Variants in SH2D2A observed in about 807,000 individuals in gnomAD.
The protein encoded by SH2D2A is SH2 domain containing 2A, also known as SH2 domain-containing protein 2A.
SH2D2A carries 33 observed loss-of-function variants against 43.6 expected under a neutral mutation model. That is an observed-to-expected ratio of 0.76 (90% CI 0.57 to 1.01). SH2D2A has a LOEUF of 1.01. Ranked by LOEUF, SH2D2A falls within the 50% of genes least tolerant of loss-of-function variation. The pLI is 0.00. For synonymous variants in SH2D2A, 212 were observed against 206.1 expected (o/e 1.03, Z -0.25); for missense variants, 491 against 503.1 (o/e 0.98, Z 0.23).
chr1:156,816,211 G>A lies in SH2D2A; in HGVS notation c.35-117C>T, dbSNP rs1451856164. On this transcript the variant is annotated intron_variant, in intron 1 of 8. Transcript: ENST00000368199. ...GAGGGCTGGGACAGTCTTAACGACA[G>A]GAAAAACGCAGAAGGGCAGCAGGGG... The A allele has an allele frequency of 2.1e-6, 3 of 1,447,830 alleles. No homozygotes were observed. The South Asian group carries it at 4.4e-5, about 21-fold the overall frequency. 89.7% of individuals were successfully genotyped at this position (1,447,830 alleles called of 1,614,324 possible).
chr1:156,810,156 C>T (rs1653312808), intron 5 of SH2D2A, among the ~76,000 whole-genome samples: 1 of 152,204 alleles, frequency 6.6e-6, no homozygotes. Flanking sequence ...TTGCCTCAGC[C>T]TCCCAAGTAG....
rs142571523 is a variant in SH2D2A, at chr1:156,809,289, C to G, written c.916G>C (p.Val306Leu). 4.5e-5 allele frequency: 73 copies of G among 1,614,052 alleles called. No individual in the cohort carries two copies. Among genetic ancestry groups the G allele is most frequent in the Middle Eastern group, 1.6e-4 (1 of 6,082 alleles). Residue 306 changes from valine (V) to leucine (L), a missense_variant, in exon 7 of 9, where the codon GTG (valine) becomes CTG (leucine). Physicochemically the swap from Val to Leu is conservative, Grantham distance 32. Coordinates refer to ENST00000368199, the MANE Select transcript of SH2D2A (RefSeq NM_003975.4). The surrounding 1 kb of genome is among the most constrained non-coding windows in gnomAD (Gnocchi z 4.8). ...GGTAGGCCCTCATCTTCCACTTCCA[C>G]ATAGATGTTGCTGGGGGCTTCCCCA... ...SPGEAPSNIY[V>L]EVEDEGLPAT... is the part of the protein sequence containing the mutation.
rs1205634705 is a variant in SH2D2A at position 156,809,096 on chromosome 1, G to A, written c.1002+107C>T. 38 of 1,170,700 alleles carry A rather than the reference G, an allele frequency of 3.2e-5. No individual in the cohort carries two copies. The highest frequency in any genetic ancestry group is 2.7e-5 in the Non-Finnish European group (22 of 817,532). The allele number at this position is 1,170,700 out of a possible 1,614,324, so 72.5% of individuals were successfully genotyped here. On this transcript the variant is annotated intron_variant, in intron 7 of 8. Transcript: ENST00000368199. This position sits in a 1 kb window ranked among gnomAD's most constrained non-coding sequence, Gnocchi z 4.8. ...TCTTCCCACATCACCTCACACCTCT[G>A]CCCCTTACCCTGCCCCAGGCATCCA...
intron 4 of SH2D2A, 80 bp from the exon 5 acceptor site, chr1:156,814,096 A>T: frequency 6.6e-7 from 1 of 1,509,596 alleles, no homozygotes; most frequent in South Asian, 1.3e-5. Flanking sequence ...CCCCACCTTC[A>T]GCAGCCCGGG....
chr1:156,815,608 CATA>C, intron 2 of SH2D2A: 1 of 648,998 alleles, frequency 1.5e-6, no homozygotes, highest in Non-Finnish European at 2.8e-6. Flanking sequence ...GGGCTTACTT[CATA>C]ATATGAGGGA....
chr1:156,816,053 T>C lies in SH2D2A; in HGVS notation c.76A>G (p.Ile26Val). 1 of 1,614,074 alleles carries C rather than the reference T, an allele frequency of 6.2e-7. No individual in the cohort carries two copies. Among genetic ancestry groups the C allele is most frequent in the Non-Finnish European group, 8.5e-7 (1 of 1,179,968 alleles). Residue 26 changes from isoleucine to valine, a missense_variant, in exon 2 of 9, where the codon ATC becomes GTC. By Grantham distance (29) the Ile-to-Val change is conservative (BLOSUM62 3). Coordinates refer to ENST00000368199, the MANE Select transcript of SH2D2A (RefSeq NM_003975.4). ...CAGCTCCTGCGGGTCATGTCTGTGA[T>C]CTGGAAGGTGCTGAAGGTTGGGATG... ...APIPTFSTFQITDMTRRSCQN... is the reference protein window; with the variant it reads ...APIPTFSTFQVTDMTRRSCQN...
chr1:156,807,297 C>T lies in SH2D2A; in HGVS notation c.1051G>A (p.Gly351Ser), dbSNP rs771674167. The change falls in exon 8 of 9, where the codon GGC (glycine) becomes AGC (serine). Residue 351 changes from glycine to serine, a missense_variant. Gly to Ser is a moderately conservative substitution (Grantham distance 56). Transcript: ENST00000368199. This position sits in a 1 kb window ranked among gnomAD's most constrained non-coding sequence, Gnocchi z 5.1. ...GGGGGCTGGTGGGGCAGGGGAGGGCCTTGCCCAATCACAGAGTTCTCAGAA... is the reference window on the plus strand; with the variant it reads ...GGGGGCTGGTGGGGCAGGGGAGGGCTTTGCCCAATCACAGAGTTCTCAGAA... ...LHSENSVIGQ[G>S]PPLPHQPPPA... The T allele has an allele frequency of 1.3e-6, 2 of 1,594,094 alleles. No homozygotes were observed. Among genetic ancestry groups the T allele is most frequent in the East Asian group, 4.5e-5 (2 of 44,600 alleles).
At chr1:156,810,302 G>A (rs768416880) in intron 5 of SH2D2A, among the ~76,000 whole-genome samples, 3 of 152,168 alleles carry the variant, frequency 2.0e-5, no homozygotes, top group South Asian at 4.1e-4. Flanking sequence ...GCCTTCTTGC[G>A]TCTTAGGATT....
chr1:156,815,237 G>A lies in SH2D2A; in HGVS notation c.124-16C>T. On this transcript the variant is annotated splice_polypyrimidine_tract_variant and intron_variant, in intron 2 of 8. Transcript: ENST00000368199. ...GGGGAGATGCCTGGATCAGGGAAGA[G>A]TTCAAGGAGGGGGAAGCAGCATGAT... The A allele has an allele frequency of 2.0e-6, 3 of 1,469,840 alleles. No individual in the cohort carries two copies. The highest frequency in any genetic ancestry group is 1.4e-5 in the South Asian group (1 of 69,404). The allele number at this position is 1,469,840 out of a possible 1,614,324, so 91.0% of individuals were successfully genotyped here.
At chr1:156,810,412 A>G (rs562085767) in intron 5 of SH2D2A, among the ~76,000 whole-genome samples, 2 of 152,346 alleles carry the variant, frequency 1.3e-5, no homozygotes, top group South Asian at 2.1e-4. Context: ...TGAAAATGCA[A>G]CATGGCTTTA....
At chr1:156,814,057 C>A in intron 4 of SH2D2A, 41 bp from the exon 5 acceptor site, 1 of 1,488,720 alleles carries the variant, frequency 6.7e-7, no homozygotes, top group Non-Finnish European at 8.9e-7. Flanking sequence ...TCCCGCTCCT[C>A]GGCCAGGGTC....
At position 156,807,097 on chromosome 1, in the gene SH2D2A, T is replaced by C; in HGVS notation, c.*3+78A>G. 7.7e-7 allele frequency: 1 copy of C among 1,291,216 alleles called. No individual in the cohort carries two copies. The highest frequency in any genetic ancestry group is 1.1e-6 in the Non-Finnish European group (1 of 894,198). The allele number at this position is 1,291,216 out of a possible 1,614,324, so 80.0% of individuals were successfully genotyped here. ...ACCTATGGTTTATTCCATCCACATT[T>C]CTTGAGAAGTGTGCCAGGTGTGTGT... is the stretch of plus-strand genomic sequence containing the variant. On this transcript the variant is annotated intron_variant, in intron 8 of 8. Coordinates refer to ENST00000368199, the MANE Select transcript of SH2D2A (RefSeq NM_003975.4). The surrounding 1 kb of genome is among the most constrained non-coding windows in gnomAD (Gnocchi z 5.1).
At position 156,807,568 on chromosome 1, in the gene SH2D2A, C is replaced by G. The variant is rs542856783; in HGVS notation, c.1003-223G>C. The stretch of plus-strand genomic sequence containing the variant: ...ATGGGTAAGTCCCAGCCCCTCCCTT[C>G]AGGGAACTCACACTCTAAACTAGGG... On this transcript the variant is annotated intron_variant, in intron 7 of 8. Coordinates refer to ENST00000368199, the MANE Select transcript of SH2D2A (RefSeq NM_003975.4). The surrounding 1 kb of genome is among the most constrained non-coding windows in gnomAD (Gnocchi z 5.1). Among the ~76,000 whole-genome samples, 176 of 152,300 alleles carry G rather than the reference C, an allele frequency of 1.2e-3. 1 individual carries two copies. Among genetic ancestry groups the G allele is most frequent in the African/African-American group, 4.0e-3 (166 of 41,556 alleles).
In SH2D2A at chr1:156,814,256, C is replaced by T; in HGVS notation, c.347G>A (p.Cys116Tyr). The T allele has an allele frequency of 6.2e-7, 1 of 1,613,990 alleles. No individual in the cohort carries two copies. Among genetic ancestry groups the T allele is most frequent in the Non-Finnish European group, 8.5e-7 (1 of 1,179,988 alleles). The part of the protein sequence containing the change: ...ERLLEPKPQG[C>Y]YLVRFSESAV... ...GCTCTCGCTGAACCGCACCAAGTAGCACCCCTGAGGCTTGGGCTCCAGCAG... is the reference window on the plus strand; with the variant it reads ...GCTCTCGCTGAACCGCACCAAGTAGTACCCCTGAGGCTTGGGCTCCAGCAG... Residue 116 changes from cysteine to tyrosine, a missense_variant, in exon 4 of 9, where the codon TGC becomes TAC. Physicochemically the swap from Cys to Tyr is radical, Grantham distance 194. Transcript: ENST00000368199.
chr1:156,807,489 A>C lies in SH2D2A; in HGVS notation c.1003-144T>G. 9 of 683,206 alleles carry C rather than the reference A, an allele frequency of 1.3e-5. No homozygotes were observed. Among genetic ancestry groups the C allele is most frequent in the East Asian group, 2.9e-5 (1 of 34,530 alleles). The allele number at this position is 683,206 out of a possible 1,614,324, so 42.3% of individuals were successfully genotyped here. On this transcript the variant is annotated intron_variant, in intron 7 of 8. Coordinates refer to ENST00000368199, the MANE Select transcript of SH2D2A (RefSeq NM_003975.4). This position sits in a 1 kb window ranked among gnomAD's most constrained non-coding sequence, Gnocchi z 5.1. ...CCTCTCATTCATTAATTCAACAAAC[A>C]TCTCCTGAGCACCTGCTCTGTGCCA...
rs1354084531 is a variant in SH2D2A, at chr1:156,807,638, G to C, written c.1003-293C>G. On this transcript the variant is annotated intron_variant, in intron 7 of 8. Transcript: ENST00000368199. This position sits in a 1 kb window ranked among gnomAD's most constrained non-coding sequence, Gnocchi z 5.1. The stretch of plus-strand genomic sequence containing the variant: ...ATGGGAGGAGATGGATGTCTCAGGT[G>C]ATCAGTGGCATGGCAGGTGTGTGTA... 2.0e-5 allele frequency among the ~76,000 whole-genome samples: 3 copies of C among 152,204 alleles called. No individual in the cohort carries two copies. Among genetic ancestry groups the C allele is most frequent in the African/African-American group, 7.2e-5 (3 of 41,452 alleles).
At chr1:156,815,943 C>T in intron 2 of SH2D2A, 63 bp downstream of exon 2, 1 of 1,603,856 alleles carries the variant, frequency 6.2e-7, no homozygotes. Flanking sequence ...CAAGTCCTTC[C>T]CCATGGGAGG....
At position 156,809,419 on chromosome 1, in the gene SH2D2A, G is replaced by C; in HGVS notation, c.786C>G (p.Ile262Met). Residue 262 changes from isoleucine (I) to methionine (M), a missense_variant, in exon 7 of 9, where the codon ATC (isoleucine) becomes ATG (methionine). Coordinates refer to ENST00000368199, the MANE Select transcript of SH2D2A (RefSeq NM_003975.4). This position sits in a 1 kb window ranked among gnomAD's most constrained non-coding sequence, Gnocchi z 4.8. The part of the protein sequence containing the change: ...KPQLPPEVYT[I>M]PVPRHRPAPR... ...GGGCCGGGCGGTGTCGTGGAACAGG[G>C]ATTGTGTAGACTTCTGGGGGCAGCT... 6.2e-7 allele frequency: 1 copy of C among 1,613,726 alleles called. No individual in the cohort carries two copies. The highest frequency in any genetic ancestry group is 8.5e-7 in the Non-Finnish European group (1 of 1,180,006).
In SH2D2A at chr1:156,809,027, C is replaced by G. The variant is rs1245149395; in HGVS notation, c.1002+176G>C. Among the ~76,000 whole-genome samples, 2 of 152,066 alleles carry G rather than the reference C, an allele frequency of 1.3e-5. No homozygotes were observed. The highest frequency in any genetic ancestry group is 1.3e-4 in the Admixed American group (2 of 15,284). On this transcript the variant is annotated intron_variant, in intron 7 of 8. Transcript: ENST00000368199. The surrounding 1 kb of genome is among the most constrained non-coding windows in gnomAD (Gnocchi z 4.8). ...CGACTCTGGGGAGAAGAGGGGGCAG[C>G]CTCTGGGCCTGGAGAAGGGAGGCTG...
Sources: gnomAD v4.1 joint callset for allele counts (sites outside exome capture counted in the v4.1 genomes callset) on GRCh38, gnomAD v4.1.1 for gene constraint, Gnocchi (gnomAD v3.1) non-coding constraint, MANE v1.5 for transcripts, NCBI Gene and HGNC (gene_info 2026-07-23, HGNC 2026-07-21) for gene names.